Variants in SHC3 observed in about 807,000 individuals in gnomAD.
SHC3 encodes the protein SHC adaptor protein 3, also known as SHC-transforming protein 3.
In SHC3, 15 loss-of-function variants were observed where a neutral mutation model predicts 60.4. That is an observed-to-expected ratio of 0.25 (90% CI 0.17 to 0.38). The LOEUF (loss-of-function observed/expected upper bound fraction) is 0.38. Ranked by LOEUF, SHC3 falls within the 10% of genes least tolerant of loss-of-function variation. The pLI is 1.00. For missense variants in SHC3, 677 were observed against 786.1 expected (o/e 0.86, Z 1.66); for synonymous variants, 294 against 325.9 (o/e 0.90, Z 1.05).
chr9:89,020,138 T>C (rs1347018264), intron 11 of SHC3, among the ~76,000 whole-genome samples: 1 of 152,176 alleles, frequency 6.6e-6, no homozygotes, highest in Non-Finnish European at 1.5e-5. Flanking sequence ...GCTTCTTCCC[T>C]AGGCTAGGGC....
chr9:89,072,781 C>T (rs1324112268), intron 4 of SHC3, among the ~76,000 whole-genome samples: 3 of 152,162 alleles, frequency 2.0e-5, no homozygotes, highest in Admixed American at 6.5e-5. Context: ...CCCCTTGGGC[C>T]CTTGTCCTCG....
At position 89,178,293 on chromosome 9, in the gene SHC3, C is replaced by A. The variant is rs1180693858; in HGVS notation, c.168G>T (p.Ala56=). Residue 56 remains alanine (A), a synonymous_variant, in exon 1 of 12, where the codon GCG becomes GCT. Coordinates refer to ENST00000375835, the MANE Select transcript of SHC3 (RefSeq NM_016848.6). This position sits in a 1 kb window ranked among gnomAD's most constrained non-coding sequence, Gnocchi z 6.9. The part of the protein sequence containing the change: ...YLVSGEALRK[A]PDDGPGSLGH... ...CCAGGCTGCCGGGCCCATCGTCGGG[C>A]GCCTTGCGCAGCGCCTCGCCGGACA... 1 of 1,567,846 alleles carries A rather than the reference C, an allele frequency of 6.4e-7. No homozygotes were observed. The highest frequency in any genetic ancestry group is 1.9e-5 in the Admixed American group (1 of 53,900).
chr9:89,119,994 C>T (rs1400496411), intron 1 of SHC3, among the ~76,000 whole-genome samples: 1 of 152,122 alleles, frequency 6.6e-6, no homozygotes, highest in African/African-American at 2.4e-5. Flanking sequence ...AGAAGAGAAT[C>T]CATGGAGCAA....
intron 11 of SHC3, among the ~76,000 whole-genome samples, chr9:89,022,548 T>C (rs1826221084): frequency 6.6e-6 from 1 of 152,180 alleles, no homozygotes; most frequent in Non-Finnish European, 1.5e-5. Flanking sequence ...ACTTTAATTT[T>C]AGTTGTCCTC....
In SHC3 at chr9:89,106,331, A is replaced by T. The variant is rs184059007; in HGVS notation, c.545+6225T>A. Among the ~76,000 whole-genome samples, 26 of 152,342 alleles carry T rather than the reference A, an allele frequency of 1.7e-4. 1 individual carries two copies. Among genetic ancestry groups the T allele is most frequent in the Admixed American group, 1.6e-3 (24 of 15,310 alleles). ...AAAAATCTAATTTAGAGAGTCAGAC[A>T]TGGGAGCCAAGTGCTCTGACACTGT... On this transcript the variant is annotated intron_variant, in intron 2 of 11. Coordinates refer to ENST00000375835, the MANE Select transcript of SHC3 (RefSeq NM_016848.6).
At position 89,104,523 on chromosome 9, in the gene SHC3, C is replaced by T. The variant is rs950372958; in HGVS notation, c.545+8033G>A. ...GAGGGCCTTGTGCCAAGTCAGAGTG[C>T]CCACAGAATACAGACCAGCTCTGTG... On this transcript the variant is annotated intron_variant, in intron 2 of 11. Coordinates refer to ENST00000375835, the MANE Select transcript of SHC3 (RefSeq NM_016848.6). 2.6e-5 allele frequency among the ~76,000 whole-genome samples: 4 copies of T among 152,332 alleles called. No individual in the cohort carries two copies. The South Asian group carries it at 6.2e-4, about 24-fold the overall frequency.
chr9:89,149,010 A>G (rs970572967), intron 1 of SHC3, among the ~76,000 whole-genome samples: 16 of 152,218 alleles, frequency 1.1e-4, no homozygotes, highest in Non-Finnish European at 1.6e-4. Flanking sequence ...AACATTCAGC[A>G]AATTACTTGA....
chr9:89,005,942 A>G lies in SHC3; in HGVS notation c.*7505T>C, dbSNP rs1825932961. On this transcript the variant is annotated 3_prime_UTR_variant, in exon 12 of 12. Transcript: ENST00000375835. ...CATTTTATAGAAAACATCTAATTAA[A>G]TCACCAGTTTCATGCTTTTAAGTTG... The G allele has an allele frequency of 6.6e-6, 1 of 152,208 alleles. No individual in the cohort carries two copies. Among genetic ancestry groups the G allele is most frequent in the African/African-American group, 2.4e-5 (1 of 41,456 alleles). The allele number at this position is 152,208 out of a possible 1,614,324, so 9.4% of individuals were successfully genotyped here. A position where few individuals can be genotyped will look rare whatever the true frequency, so the allele number is the denominator to read the frequency against.
At position 89,156,202 on chromosome 9, in the gene SHC3, C is replaced by T. The variant is rs189246289; in HGVS notation, c.474+21785G>A. Among the ~76,000 whole-genome samples, 853 of 152,244 alleles carry T rather than the reference C, an allele frequency of 5.6e-3. 8 individuals carry two copies. Among genetic ancestry groups the T allele is most frequent in the Middle Eastern group, 0.014 (4 of 294 alleles). On this transcript the variant is annotated intron_variant, in intron 1 of 11. Transcript: ENST00000375835. The stretch of plus-strand genomic sequence containing the variant: ...CAATGTCATATGGACACTCAAGAAT[C>T]CCTATGGGAAAAATATGGAGCGGGC...
At chr9:89,051,092 A>G (rs1265175411) in intron 7 of SHC3, among the ~76,000 whole-genome samples, 1 of 152,204 alleles carries the variant, frequency 6.6e-6, no homozygotes, top group African/African-American at 2.4e-5. Flanking sequence ...AACGGCAAAG[A>G]CTGAGAAGGG....
intron 1 of SHC3, among the ~76,000 whole-genome samples, chr9:89,148,438 T>TG (rs988859432): frequency 1.3e-5 from 2 of 152,206 alleles, no homozygotes; most frequent in Non-Finnish European, 2.9e-5. Context: ...GCACAGATTT[T>TG]GGGGGAGAAA....
chr9:89,027,857 G>C (rs1826346968), intron 11 of SHC3, among the ~76,000 whole-genome samples: 1 of 152,210 alleles, frequency 6.6e-6, no homozygotes, highest in East Asian at 1.9e-4. Flanking sequence ...TTGCAGTGGA[G>C]GAGAGGGACC....
intron 1 of SHC3, among the ~76,000 whole-genome samples, chr9:89,146,183 C>G (rs1826465570): frequency 1.3e-5 from 2 of 151,634 alleles, no homozygotes; most frequent in East Asian, 1.9e-4. Context: ...TGGTGAAACC[C>G]CCGTTTCTAC....
intron 1 of SHC3, among the ~76,000 whole-genome samples, chr9:89,115,785 C>T (rs924150699): frequency 1.3e-5 from 2 of 152,130 alleles, no homozygotes; most frequent in African/African-American, 4.8e-5. Context: ...TATATGACCA[C>T]CAGCAACAAC....
intron 1 of SHC3, among the ~76,000 whole-genome samples, chr9:89,167,045 A>G (rs896132485): frequency 6.6e-6 from 1 of 152,072 alleles, no homozygotes; most frequent in Non-Finnish European, 1.5e-5. Flanking sequence ...CAAAACTTCA[A>G]ATCATGACTT....
At chr9:89,051,534 C>G (rs149552699) in intron 7 of SHC3, among the ~76,000 whole-genome samples, 1 of 152,336 alleles carries the variant, frequency 6.6e-6, no homozygotes, top group East Asian at 1.9e-4. Context: ...AGAACTTGCT[C>G]AGGGCCACCT....
chr9:89,026,516 A>T (rs180713722), intron 11 of SHC3, among the ~76,000 whole-genome samples: 2 of 152,226 alleles, frequency 1.3e-5, no homozygotes, highest in East Asian at 3.9e-4. Context: ...GACCAAACCA[A>T]TGTACATCTT....
chr9:89,038,264 T>G lies in SHC3; in HGVS notation c.1385A>C (p.Asn462Thr). ...DMKPFEDALK[N>T]QPLGPVLSKA... ...GCTTAACACGGGCCCCAAGGGCTGGTTCTTGAGAGCATCTTCAAAAGGTTC... is the reference window on the plus strand; with the variant it reads ...GCTTAACACGGGCCCCAAGGGCTGGGTCTTGAGAGCATCTTCAAAAGGTTC... The change falls in exon 11 of 12, where the codon AAC becomes ACC. Residue 462 changes from asparagine (N) to threonine (T), a missense_variant. Coordinates refer to ENST00000375835, the MANE Select transcript of SHC3 (RefSeq NM_016848.6). 5.6e-6 allele frequency: 9 copies of G among 1,612,788 alleles called. No individual in the cohort carries two copies. Among genetic ancestry groups the G allele is most frequent in the Non-Finnish European group, 6.8e-6 (8 of 1,179,354 alleles).
intron 11 of SHC3, among the ~76,000 whole-genome samples, chr9:89,013,951 G>T (rs1369800253): frequency 6.6e-6 from 1 of 152,124 alleles, no homozygotes; most frequent in Non-Finnish European, 1.5e-5. Context: ...GGCTCTGCAG[G>T]CTCCCATGAC....
Sources: allele counts gnomAD v4.1 joint callset (sites outside exome capture counted in the v4.1 genomes callset), GRCh38; gene constraint gnomAD v4.1.1; non-coding constraint Gnocchi (gnomAD v3.1); transcripts MANE v1.5; gene names NCBI Gene and HGNC (gene_info 2026-07-23, HGNC 2026-07-21).